Variants in SVEP1 observed in about 807,000 individuals in gnomAD.
SVEP1 encodes sushi, von Willebrand factor type A, EGF and pentraxin domain-containing protein 1.
Under a neutral mutation model 367.3 loss-of-function variants are expected in SVEP1, and 164 were observed. The ratio of observed to expected loss-of-function variants is 0.45; its 90% CI spans 0.39 to 0.51. SVEP1 has a LOEUF of 0.51. SVEP1 is among the 20% of genes least tolerant of loss of function. The pLI, the probability that SVEP1 is intolerant of heterozygous loss-of-function variation, is 0.00. For synonymous variants in SVEP1, 1,666 were observed against 1,611.6 expected (o/e 1.03, Z -0.81); for missense variants, 4,117 against 4,425.3 (o/e 0.93, Z 1.98).
At chr9:110,508,538 G>C (rs932199739) in intron 5 of SVEP1, among the ~76,000 whole-genome samples, 4 of 151,928 alleles carry the variant, frequency 2.6e-5, no homozygotes, top group Admixed American at 6.6e-5. Flanking sequence ...GAGGCGGGTG[G>C]ATCATGAGGT....
chr9:110,465,880 T>C lies in SVEP1; in HGVS notation c.3307A>G (p.Ile1103Val). 1 of 1,612,942 alleles carries C rather than the reference T, an allele frequency of 6.2e-7. No homozygotes were observed. Among genetic ancestry groups the C allele is most frequent in the Non-Finnish European group, 8.5e-7 (1 of 1,179,428 alleles). The change falls in exon 18 of 48, where the codon ATT (isoleucine) becomes GTT (valine). Residue 1103 changes from isoleucine to valine, a missense_variant. Physicochemically the swap from Ile to Val is conservative, Grantham distance 29 (BLOSUM62 3). Transcript: ENST00000374469. ...TSTVKRGAVN[I>V]SACGVPCPEG... ...CTTTGATAACCTCCACATGCAGAAA[T>C]GTTCACGGCTCCTCTTTTCACAGTT...
chr9:110,504,036 T>A (rs1392112989), intron 5 of SVEP1, among the ~76,000 whole-genome samples: 1 of 151,146 alleles, frequency 6.6e-6, no homozygotes, highest in Non-Finnish European at 1.5e-5. Context: ...TTTTATTTTA[T>A]TTTATTTTAT....
intron 26 of SVEP1, 65 bp downstream of exon 26, chr9:110,445,772 A>G (rs1588056833): frequency 6.4e-7 from 1 of 1,565,420 alleles, no homozygotes; most frequent in Non-Finnish European, 8.8e-7. Context: ...CCCATCCTCA[A>G]TGTCAGTTCT....
intron 24 of SVEP1, among the ~76,000 whole-genome samples, 154 bp from the exon 25 acceptor site, chr9:110,447,211 C>T (rs1233795482): frequency 6.6e-6 from 1 of 152,170 alleles, no homozygotes; most frequent in Non-Finnish European, 1.5e-5. Flanking sequence ...TTTTCCAGTT[C>T]ACTTGATTAA....
intron 18 of SVEP1, among the ~76,000 whole-genome samples, chr9:110,463,926 A>G (rs574340989): frequency 3.3e-5 from 5 of 152,288 alleles, no homozygotes; most frequent in Admixed American, 3.3e-4. Flanking sequence ...TTATGCTAGG[A>G]ATATTAGGAG....
rs1021421686 is a variant in SVEP1, at chr9:110,369,064, G to A, written c.10694+859C>T. On this transcript the variant is annotated intron_variant, in intron 47 of 47. Coordinates refer to ENST00000374469, the MANE Select transcript of SVEP1 (RefSeq NM_153366.4). Reference sequence around the variant, plus strand: ...TTTTTAATGAGTCCTATATGGTAGGGGTAAGTGTACATAATACAAATCTAA... The same window carrying A: ...TTTTTAATGAGTCCTATATGGTAGGAGTAAGTGTACATAATACAAATCTAA... 2.6e-5 allele frequency among the ~76,000 whole-genome samples: 4 copies of A among 152,042 alleles called. No homozygotes were observed. In the East Asian group the frequency reaches 7.7e-4, roughly 29 times the overall value.
At chr9:110,456,573 A>T (rs955381400) in intron 21 of SVEP1, among the ~76,000 whole-genome samples, 1 of 152,166 alleles carries the variant, frequency 6.6e-6, no homozygotes, top group African/African-American at 2.4e-5. Flanking sequence ...TTTTGTGGTG[A>T]ATTCCTTTAC....
chr9:110,576,567 A>T (rs924830222), intron 1 of SVEP1, among the ~76,000 whole-genome samples: 2 of 152,048 alleles, frequency 1.3e-5, no homozygotes, highest in African/African-American at 4.8e-5. Flanking sequence ...TATCAGTAAA[A>T]TAAAATATAT....
At chr9:110,550,770 G>T (rs905785670) in intron 1 of SVEP1, among the ~76,000 whole-genome samples, 2 of 152,202 alleles carry the variant, frequency 1.3e-5, no homozygotes, top group Non-Finnish European at 2.9e-5. Flanking sequence ...CACTAAATCT[G>T]ACACTGGGAC....
chr9:110,530,355 G>T (rs1830001443), intron 3 of SVEP1, among the ~76,000 whole-genome samples: 1 of 152,138 alleles, frequency 6.6e-6, no homozygotes, highest in Non-Finnish European at 1.5e-5. Context: ...TCACTACAGA[G>T]ACATGCTTGG....
intron 36 of SVEP1, among the ~76,000 whole-genome samples, chr9:110,426,923 G>A (rs1014493875): frequency 9.9e-5 from 15 of 152,068 alleles, no homozygotes; most frequent in South Asian, 2.1e-4. Flanking sequence ...CTGTAGATAT[G>A]TCATCTTTAT....
chr9:110,559,313 A>G (rs2118867431), intron 1 of SVEP1, among the ~76,000 whole-genome samples: 1 of 152,216 alleles, frequency 6.6e-6, no homozygotes, highest in East Asian at 1.9e-4. Context: ...TATTATGCTT[A>G]TCAAATATAG....
intron 5 of SVEP1, among the ~76,000 whole-genome samples, chr9:110,506,667 A>G (rs1363738422): frequency 6.6e-6 from 1 of 152,096 alleles, no homozygotes; most frequent in Admixed American, 6.6e-5. Flanking sequence ...AACCCTCTTG[A>G]AAGAGTTTAT....
intron 29 of SVEP1, 64 bp downstream of exon 29, chr9:110,435,177 T>C: frequency 6.4e-7 from 1 of 1,572,790 alleles, no homozygotes; most frequent in Non-Finnish European, 8.6e-7. Flanking sequence ...AACTGTCTTC[T>C]TTTGCTAGAC....
intron 17 of SVEP1, among the ~76,000 whole-genome samples, chr9:110,466,685 C>T (rs1220989075): frequency 7.7e-6 from 1 of 130,650 alleles, no homozygotes; most frequent in African/African-American, 2.9e-5. Flanking sequence ...GGCGTGAACC[C>T]GGGAGGCGGA....
At chr9:110,474,620 G>A (rs1043344106) in intron 14 of SVEP1, among the ~76,000 whole-genome samples, 5 of 152,042 alleles carry the variant, frequency 3.3e-5, no homozygotes, top group African/African-American at 7.2e-5. Context: ...AAAACCTACC[G>A]CAACAATCTG....
At chr9:110,473,309 C>A (rs1389051452) in intron 14 of SVEP1, among the ~76,000 whole-genome samples, 1 of 152,010 alleles carries the variant, frequency 6.6e-6, no homozygotes, top group East Asian at 1.9e-4. Context: ...AAAAAATGAG[C>A]AAAGAGAAAT....
chr9:110,466,288 T>C (rs886570077), intron 17 of SVEP1, among the ~76,000 whole-genome samples: 21 of 152,156 alleles, frequency 1.4e-4, no homozygotes, highest in Admixed American at 6.5e-5. Context: ...CAATAAATAG[T>C]TGTCGAATGA....
chr9:110,467,323 A>G (rs1476080738), intron 17 of SVEP1, among the ~76,000 whole-genome samples: 1 of 152,248 alleles, frequency 6.6e-6, no homozygotes, highest in Non-Finnish European at 1.5e-5. Flanking sequence ...TGATCTCATC[A>G]CATCAGACAC....
Sources: gnomAD v4.1 joint callset for allele counts (sites outside exome capture counted in the v4.1 genomes callset) on GRCh38, gnomAD v4.1.1 for gene constraint, MANE v1.5 for transcripts, NCBI Gene and HGNC (gene_info 2026-07-23, HGNC 2026-07-21) for gene names.